Variants in ADA2 observed in about 807,000 individuals in gnomAD.
ADA2 encodes the protein adenosine deaminase CECR1.
In ADA2, 29 loss-of-function variants were observed where a neutral mutation model predicts 44.2. That is an observed-to-expected ratio of 0.66 (90% confidence interval 0.49 to 0.89). The LOEUF (loss-of-function observed/expected upper bound fraction) is 0.89. Among genes scored for constraint, ADA2 ranks in the 40% least tolerant of loss-of-function variants. ADA2 has a pLI of 0.00. For synonymous variants in ADA2, 215 were observed against 234.9 expected, an observed-to-expected ratio of 0.92 and a Z score of 0.77; for missense variants, 637 against 644.8, an observed-to-expected ratio of 0.99 and a Z score of 0.13.
In ADA2 at chr22:17,207,276, G is replaced by T. The variant is rs1185867813; in HGVS notation, c.337C>A (p.Leu113Ile). The change falls in exon 3 of 10, where the codon CTC becomes ATC. Residue 113 changes from leucine (L) to isoleucine (I), a missense_variant. Transcript: ENST00000399837. ...RMMPKGAALH[L>I]HDIGIVTMDW... is the part of the protein sequence containing the mutation. ...ATAGTCACGATGCCAATGTCATGGA[G>T]GTGCAAGGCAGCCCCTGGAGAGGGA... is the stretch of plus-strand genomic sequence containing the variant. 6 of 1,605,728 alleles carry T rather than the reference G, an allele frequency of 3.7e-6. No individual in the cohort carries two copies. Among genetic ancestry groups the T allele is most frequent in the Non-Finnish European group, 5.1e-6 (6 of 1,173,302 alleles).
chr22:17,203,621 A>G lies in ADA2; in HGVS notation c.695T>C (p.Met232Thr), dbSNP rs2123699502. The change falls in exon 4 of 10, where the codon ATG (methionine) becomes ACG (threonine). Residue 232 changes from methionine (M) to threonine (T), a missense_variant. Physicochemically the swap from Met to Thr is moderately conservative, Grantham distance 81 (BLOSUM62 -1). Coordinates refer to ENST00000399837, the MANE Select transcript of ADA2 (RefSeq NM_001282225.2). ...CACGTTGTCCTCGTAGAACTCCTGC[A>G]TGCTCCGGAAGACATAGTCTCTGAA... The part of the protein sequence containing the change: ...PVFRDYVFRS[M>T]QEFYEDNVLY... 1 of 1,613,896 alleles carries G rather than the reference A, an allele frequency of 6.2e-7. No individual in the cohort carries two copies. Among genetic ancestry groups the G allele is most frequent in the Non-Finnish European group, 8.5e-7 (1 of 1,180,022 alleles).
chr22:17,195,641 C>T (rs528013610), intron 4 of ADA2, among the ~76,000 whole-genome samples: 1 of 152,222 alleles, frequency 6.6e-6, no homozygotes, highest in East Asian at 1.9e-4. Flanking sequence ...CTGTCTGTTT[C>T]ACTCTTATTC....
intron 7 of ADA2, among the ~76,000 whole-genome samples, chr22:17,187,960 C>T (rs8139673): frequency 0.27 from 40,747 of 150,352 alleles, 5,780 homozygotes; most frequent in Non-Finnish European, 0.31. Flanking sequence ...AAAAATTAGC[C>T]AGGCGTGGTG....
chr22:17,199,827 C>G, intron 4 of ADA2: 1 of 1,275,670 alleles, frequency 7.8e-7, no homozygotes, highest in Non-Finnish European at 1.0e-6. Flanking sequence ...GTCTGTAATC[C>G]TAGTACTTTG....
chr22:17,209,889 A>AC (rs1435214481), intron 1 of ADA2, 166 bp from the exon 2 acceptor site: 5 of 402,184 alleles, frequency 1.2e-5, no homozygotes, highest in Admixed American at 9.1e-5. Flanking sequence ...GGGTTTCCCA[A>AC]TTTTTTTTTT....
At chr22:17,191,614 T>G in intron 5 of ADA2, 69 bp downstream of exon 5, 1 of 988,132 alleles carries the variant, frequency 1.0e-6, no homozygotes, top group Non-Finnish European at 1.5e-6. Flanking sequence ...ACCCCTCCCC[T>G]CCCAGCCTAG....
chr22:17,194,445 G>C (rs377213362), intron 4 of ADA2, among the ~76,000 whole-genome samples: 1 of 152,132 alleles, frequency 6.6e-6, no homozygotes, highest in Non-Finnish European at 1.5e-5. Context: ...TCAGATCCCC[G>C]CATTCCCCCA....
At chr22:17,201,687 A>G (rs970835914) in intron 4 of ADA2, among the ~76,000 whole-genome samples, 1 of 152,176 alleles carries the variant, frequency 6.6e-6, no homozygotes, top group African/African-American at 2.4e-5. Context: ...AAACATCCTC[A>G]GGAAAGTTCT....
Position 17,207,226 on chromosome 22 carries a change from G to A in ADA2, c.387C>T (p.Thr129=), listed in dbSNP as rs1258338183. Residue 129 remains threonine (T), a synonymous_variant, in exon 3 of 10, where the codon ACC becomes ACT. Coordinates refer to ENST00000399837, the MANE Select transcript of ADA2 (RefSeq NM_001282225.2). ...VTMDWLVRNV[T]YRPHCHICFT... The stretch of plus-strand genomic sequence containing the variant: ...AACAGATGTGGCAGTGAGGCCTGTA[G>A]GTGACATTCCTCACCAGCCAGTCCA... 5 of 1,613,806 alleles carry A rather than the reference G, an allele frequency of 3.1e-6. No homozygotes were observed. In the Admixed American group the frequency reaches 5.0e-5, roughly 16 times the overall value.
intron 6 of ADA2, 187 bp from the exon 7 acceptor site, chr22:17,188,634 C>G: frequency 2.3e-6 from 1 of 435,034 alleles, no homozygotes; most frequent in Non-Finnish European, 4.2e-6. Context: ...AATCCCAGCA[C>G]TTTGGGAGGC....
At chr22:17,198,747 T>A (rs762224190) in intron 4 of ADA2, 2 of 152,198 alleles carry the variant, frequency 1.3e-5, no homozygotes, top group Non-Finnish European at 2.9e-5. Flanking sequence ...AAGAGCCCCA[T>A]GCTAAAGACT....
At chr22:17,197,496 C>A (rs1299229223) in intron 4 of ADA2, among the ~76,000 whole-genome samples, 1 of 152,072 alleles carries the variant, frequency 6.6e-6, no homozygotes, top group East Asian at 1.9e-4. Context: ...GTCTCGAACT[C>A]CTGAGCTCAA....
At chr22:17,193,232 C>T (rs930502842) in intron 4 of ADA2, 10 of 1,052,708 alleles carry the variant, frequency 9.5e-6, no homozygotes, top group Non-Finnish European at 1.4e-5. Context: ...AACCACGAAG[C>T]CATCGTGGAA....
chr22:17,194,581 C>T (rs753522174), intron 4 of ADA2, among the ~76,000 whole-genome samples: 1 of 152,096 alleles, frequency 6.6e-6, no homozygotes, highest in Non-Finnish European at 1.5e-5. Context: ...CCTCTGCTGC[C>T]CCCATGAAGC....
At chr22:17,207,353 T>G in intron 2 of ADA2, 63 bp from the exon 3 acceptor site, 1 of 1,255,016 alleles carries the variant, frequency 8.0e-7, no homozygotes, top group Non-Finnish European at 1.1e-6. Flanking sequence ...ACTCCAGGGC[T>G]TGGGGACAAA....
At position 17,191,544 on chromosome 22, in the gene ADA2, C is replaced by G. The variant is rs2062114375; in HGVS notation, c.881+139G>C. 6.4e-6 allele frequency: 6 copies of G among 934,162 alleles called. No homozygotes were observed. The South Asian group carries it at 9.2e-5, about 14-fold the overall frequency. The allele number at this position is 934,162 out of a possible 1,614,324, so 57.9% of individuals were successfully genotyped here. A position where few individuals can be genotyped will look rare whatever the true frequency, so the allele number is the denominator to read the frequency against. The stretch of plus-strand genomic sequence containing the variant: ...ACCTAGGACTGTGCTCTCACACAGG[C>G]ACAGCACAGCTCCTTGGCACCAGTG... On this transcript the variant is annotated intron_variant, in intron 5 of 9. Transcript: ENST00000399837.
At chr22:17,191,032 G>A (rs765434436) in intron 5 of ADA2, among the ~76,000 whole-genome samples, 1 of 152,222 alleles carries the variant, frequency 6.6e-6, no homozygotes, top group South Asian at 2.1e-4. Context: ...GCCTGACTCC[G>A]AGGGACCCCA....
intron 7 of ADA2, among the ~76,000 whole-genome samples, chr22:17,184,899 A>G (rs2062017195): frequency 1.4e-4 from 1 of 6,932 alleles, no homozygotes; most frequent in African/African-American, 5.1e-4. Flanking sequence ...ACCACACTCT[A>G]GCCTGGGTGA....
intron 4 of ADA2, among the ~76,000 whole-genome samples, chr22:17,194,279 G>C (rs1349366353): frequency 6.6e-6 from 1 of 152,064 alleles, no homozygotes; most frequent in Non-Finnish European, 1.5e-5. Flanking sequence ...GTCGGCTCTT[G>C]CCTCTGTGGC....
Sources: allele counts gnomAD v4.1 joint callset (sites outside exome capture counted in the v4.1 genomes callset), GRCh38; gene constraint gnomAD v4.1.1; transcripts MANE v1.5; gene names NCBI Gene and HGNC (gene_info 2026-07-23, HGNC 2026-07-21).